MAD1L1: variants seen among roughly 807,000 people sequenced by gnomAD.
MAD1L1 encodes mitotic spindle assembly checkpoint protein MAD1.
In MAD1L1, 95 loss-of-function variants were observed where a neutral mutation model predicts 96.9. The ratio of observed to expected loss-of-function variants is 0.98; its 90% CI spans 0.83 to 1.16. The LOEUF (loss-of-function observed/expected upper bound fraction) is 1.16, where lower values mean the gene tolerates loss of function less well. MAD1L1 is among the 50% of genes most tolerant of loss of function. The pLI is 0.00. For synonymous variants in MAD1L1, 473 were observed against 396.6 expected, an observed-to-expected ratio of 1.19 and a Z score of -2.29; for missense variants, 1,007 against 954.4, an observed-to-expected ratio of 1.06 and a Z score of -0.73.
At chr7:1,872,504 T>A (rs1785162284) in intron 18 of MAD1L1, 1 of 152,230 alleles carries the variant, frequency 6.6e-6, no homozygotes, top group African/African-American at 2.4e-5. Context: ...ATGTCTGGCA[T>A]CCAACAGTCG....
At chr7:2,221,822 G>A (rs1448932534) in intron 5 of MAD1L1, among the ~76,000 whole-genome samples, 2 of 152,182 alleles carry the variant, frequency 1.3e-5, no homozygotes, top group African/African-American at 4.8e-5. Context: ...ATCCACGACA[G>A]GGAAGGCTAC....
intron 15 of MAD1L1, among the ~76,000 whole-genome samples, chr7:1,975,448 C>T (rs760222027): frequency 1.2e-4 from 19 of 152,194 alleles, no homozygotes; most frequent in Non-Finnish European, 2.4e-4. Flanking sequence ...ACCAGTTCCA[C>T]TTTCCCAGGC....
chr7:2,149,322 C>A, intron 10 of MAD1L1, 84 bp from the exon 11 acceptor site: 1 of 1,080,242 alleles, frequency 9.3e-7, no homozygotes, highest in Non-Finnish European at 1.4e-6. Context: ...AGGCCAAAAG[C>A]AACCTCTGTA....
intron 17 of MAD1L1, among the ~76,000 whole-genome samples, chr7:1,925,418 G>A (rs544457205): frequency 1.8e-4 from 27 of 152,312 alleles, no homozygotes; most frequent in African/African-American, 6.5e-4. Context: ...ATAACGACCC[G>A]AAGTTTATAG....
At position 1,881,904 on chromosome 7, in the gene MAD1L1, G is replaced by A. The variant is rs962508802; in HGVS notation, c.1998+16296C>T. On this transcript the variant is annotated intron_variant, in intron 18 of 18. Coordinates refer to ENST00000265854, the MANE Select transcript of MAD1L1 (RefSeq NM_001013836.2). ...TCTCTATGCGGATATGAGGAACGCTGTGATTTTGGTCAGCAGTCCTGTGTG... is the reference window on the plus strand; with the variant it reads ...TCTCTATGCGGATATGAGGAACGCTATGATTTTGGTCAGCAGTCCTGTGTG... Among the ~76,000 whole-genome samples the A allele has an allele frequency of 3.3e-5, 5 of 152,358 alleles. No homozygotes were observed. The East Asian group carries it at 9.6e-4, about 29-fold the overall frequency.
At chr7:1,878,696 G>A (rs1785512812) in intron 18 of MAD1L1, among the ~76,000 whole-genome samples, 1 of 150,672 alleles carries the variant, frequency 6.6e-6, no homozygotes, top group Admixed American at 6.7e-5. Context: ...AATACTGGAT[G>A]CTTTCTCGCT....
At chr7:1,962,215 C>T (rs1480976331) in intron 15 of MAD1L1, among the ~76,000 whole-genome samples, 1 of 152,232 alleles carries the variant, frequency 6.6e-6, no homozygotes, top group Non-Finnish European at 1.5e-5. Flanking sequence ...ATAAGTCTCA[C>T]AAGATCTGAT....
At chr7:1,875,073 A>G (rs913411276) in intron 18 of MAD1L1, among the ~76,000 whole-genome samples, 29 of 152,162 alleles carry the variant, frequency 1.9e-4, no homozygotes, top group African/African-American at 7.0e-4. Context: ...CTGGGGACCC[A>G]GGCCCAGTCC....
At chr7:2,208,511 T>C (rs1019182771) in intron 10 of MAD1L1, among the ~76,000 whole-genome samples, 3 of 152,160 alleles carry the variant, frequency 2.0e-5, no homozygotes, top group Non-Finnish European at 4.4e-5. Context: ...CACCTTGTAT[T>C]ATATCAGCTG....
At chr7:2,086,233 G>T (rs147245962) in intron 11 of MAD1L1, among the ~76,000 whole-genome samples, 2 of 152,194 alleles carry the variant, frequency 1.3e-5, no homozygotes, top group African/African-American at 4.8e-5. Context: ...CAGATTCTCC[G>T]TCCTCCTCCC....
At chr7:2,011,269 C>T (rs565440887) in intron 13 of MAD1L1, among the ~76,000 whole-genome samples, 29 of 152,314 alleles carry the variant, frequency 1.9e-4, no homozygotes, top group African/African-American at 6.7e-4. Context: ...GGCTGGCGTC[C>T]CTGCCCCAGG....
intron 10 of MAD1L1, 85 bp downstream of exon 10, chr7:2,213,127 C>A (rs541437448): frequency 6.3e-6 from 9 of 1,417,998 alleles, no homozygotes; most frequent in East Asian, 4.6e-5. Flanking sequence ...CTGGAGACTG[C>A]GCTGGTGAGC....
intron 18 of MAD1L1, among the ~76,000 whole-genome samples, chr7:1,868,206 G>A (rs987043502): frequency 6.6e-6 from 1 of 152,014 alleles, no homozygotes; most frequent in Non-Finnish European, 1.5e-5. Flanking sequence ...ATTTGGCCAA[G>A]ATAACCTTGA....
intron 15 of MAD1L1, among the ~76,000 whole-genome samples, 156 bp downstream of exon 15, chr7:1,980,297 T>G (rs1324048455): frequency 1.3e-5 from 2 of 148,234 alleles, no homozygotes; most frequent in African/African-American, 5.1e-5. Flanking sequence ...CGTCCGCCTC[T>G]TCCTCCGTGG....
At chr7:2,045,906 G>T (rs187871576) in intron 12 of MAD1L1, among the ~76,000 whole-genome samples, 2 of 152,180 alleles carry the variant, frequency 1.3e-5, no homozygotes, top group Non-Finnish European at 2.9e-5. Flanking sequence ...CCATGGAGCT[G>T]AGCCATCATC....
intron 12 of MAD1L1, among the ~76,000 whole-genome samples, chr7:2,065,652 T>C (rs1784846206): frequency 6.6e-6 from 1 of 152,114 alleles, no homozygotes; most frequent in Non-Finnish European, 1.5e-5. Context: ...CAAATCTGTC[T>C]TTCCCAGTGT....
chr7:2,083,897 A>AGT (rs1785779364), intron 11 of MAD1L1, among the ~76,000 whole-genome samples: 1 of 152,230 alleles, frequency 6.6e-6, no homozygotes, highest in South Asian at 2.1e-4. Flanking sequence ...GGATGCTCCC[A>AGT]GTGATTCCAG....
At position 2,033,145 on chromosome 7, in the gene MAD1L1, G is replaced by C. The variant is rs565877643; in HGVS notation, c.1219-18503C>G. Among the ~76,000 whole-genome samples the C allele has an allele frequency of 3.3e-5, 5 of 152,348 alleles. No homozygotes were observed. In the East Asian group the frequency reaches 9.7e-4, roughly 29 times the overall value. On this transcript the variant is annotated intron_variant, in intron 12 of 18. Coordinates refer to ENST00000265854, the MANE Select transcript of MAD1L1 (RefSeq NM_001013836.2). ...CCCCACTCATACACTCGCCAGCCAG[G>C]CACCACGTGCCAGGCCCTGTGCTGG...
rs938238960 is a variant in MAD1L1, at chr7:2,119,385, T to C, written c.1073+29767A>G. 6.6e-6 allele frequency among the ~76,000 whole-genome samples: 1 copy of C among 151,910 alleles called. No individual in the cohort carries two copies. Among genetic ancestry groups the C allele is most frequent in the Non-Finnish European group, 1.5e-5 (1 of 67,976 alleles). ...GTGGCCCACATGGTTTAGGACGGGGTGAGAGTCCTCCATCTCCCACCCAGA... is the reference window on the plus strand; with the variant it reads ...GTGGCCCACATGGTTTAGGACGGGGCGAGAGTCCTCCATCTCCCACCCAGA... On this transcript the variant is annotated intron_variant, in intron 11 of 18. Transcript: ENST00000265854. This position sits in a 1 kb window ranked among gnomAD's most constrained non-coding sequence, Gnocchi z 4.6.
Sources: allele counts gnomAD v4.1 joint callset (sites outside exome capture counted in the v4.1 genomes callset), GRCh38; gene constraint gnomAD v4.1.1; non-coding constraint Gnocchi (gnomAD v3.1); transcripts MANE v1.5; gene names NCBI Gene and HGNC (gene_info 2026-07-23, HGNC 2026-07-21).